PLPPR1: variants seen among roughly 807,000 people sequenced by gnomAD.
The protein encoded by PLPPR1 is phospholipid phosphatase-related protein type 1.
In PLPPR1, 10 loss-of-function variants were observed where a neutral mutation model predicts 33.1. That is an observed-to-expected ratio of 0.30 (90% CI 0.19 to 0.51). PLPPR1 has a LOEUF of 0.51. Among genes scored for constraint, PLPPR1 ranks in the 20% least tolerant of loss-of-function variants. The pLI is 0.97. For synonymous variants in PLPPR1, 151 were observed against 151.0 expected, an observed-to-expected ratio of 1.00 and a Z score of 0.00; for missense variants, 304 against 408.1, an observed-to-expected ratio of 0.74 and a Z score of 2.20.
At chr9:101,198,300 C>A (rs1826434664) in intron 2 of PLPPR1, among the ~76,000 whole-genome samples, 1 of 152,122 alleles carries the variant, frequency 6.6e-6, no homozygotes, top group Non-Finnish European at 1.5e-5. Context: ...AAAGCATAGA[C>A]TCTTAGAGCT....
intron 2 of PLPPR1, among the ~76,000 whole-genome samples, chr9:101,243,235 A>G (rs1827514196): frequency 6.6e-6 from 1 of 152,012 alleles, no homozygotes; most frequent in Non-Finnish European, 1.5e-5. Context: ...TAAATTTCAC[A>G]GTAGGGAGTT....
At chr9:101,177,570 A>G (rs555494256) in intron 1 of PLPPR1, among the ~76,000 whole-genome samples, 1 of 152,300 alleles carries the variant, frequency 6.6e-6, no homozygotes, top group East Asian at 1.9e-4. Flanking sequence ...TCCAAATAGC[A>G]CTTCTTTCAG....
chr9:101,062,327 A>G (rs925433517), intron 1 of PLPPR1, among the ~76,000 whole-genome samples: 1 of 152,086 alleles, frequency 6.6e-6, no homozygotes, highest in Non-Finnish European at 1.5e-5. Context: ...AATTTTTAAA[A>G]ATACATGTTT....
chr9:101,324,023 A>G lies in PLPPR1; in HGVS notation c.946-2A>G. The G allele has an allele frequency of 6.2e-7, 1 of 1,612,458 alleles. No individual in the cohort carries two copies. Among genetic ancestry groups the G allele is most frequent in the Non-Finnish European group, 8.5e-7 (1 of 1,178,664 alleles). On this transcript the variant is annotated splice_acceptor_variant, in intron 7 of 7. Coordinates refer to ENST00000374874, the MANE Select transcript of PLPPR1 (RefSeq NM_207299.2). LOFTEE classifies it high-confidence loss of function. ...TTTTATCTGCTTGTGTTTGCTCCAC[A>G]GAATCACTCTGCGTCCATGACCGAA...
intron 4 of PLPPR1, among the ~76,000 whole-genome samples, chr9:101,293,176 T>C (rs940648452): frequency 5.9e-5 from 9 of 151,354 alleles, no homozygotes; most frequent in African/African-American, 2.2e-4. Flanking sequence ...AAACAGACTG[T>C]AAACCAACAA....
intron 1 of PLPPR1, among the ~76,000 whole-genome samples, chr9:101,151,597 T>C (rs1389503516): frequency 2.0e-5 from 3 of 152,216 alleles, no homozygotes; most frequent in African/African-American, 7.2e-5. Context: ...TGTTTGAGCA[T>C]GTACCAATGA....
intron 2 of PLPPR1, among the ~76,000 whole-genome samples, chr9:101,232,130 G>A (rs1412095211): frequency 6.6e-6 from 1 of 152,034 alleles, no homozygotes; most frequent in Non-Finnish European, 1.5e-5. Flanking sequence ...TACAGTTAGT[G>A]ACAGGAAGTT....
At chr9:101,131,007 A>G (rs1001414014) in intron 1 of PLPPR1, among the ~76,000 whole-genome samples, 1 of 152,140 alleles carries the variant, frequency 6.6e-6, no homozygotes, top group African/African-American at 2.4e-5. Context: ...ACACATCACA[A>G]ATTTGTTGTG....
chr9:101,314,727 A>G (rs1829020534), intron 6 of PLPPR1, among the ~76,000 whole-genome samples: 1 of 150,126 alleles, frequency 6.7e-6, no homozygotes, highest in South Asian at 2.1e-4. Flanking sequence ...CTTGCTGGAC[A>G]GTGTTGTCAA....
At chr9:101,164,695 G>A (rs981212370) in intron 1 of PLPPR1, among the ~76,000 whole-genome samples, 18 of 151,814 alleles carry the variant, frequency 1.2e-4, no homozygotes, top group African/African-American at 2.9e-4. Flanking sequence ...TTTCATTCCC[G>A]TGATCCTTAC....
At chr9:101,058,847 C>T (rs1419380587) in intron 1 of PLPPR1, among the ~76,000 whole-genome samples, 4 of 152,166 alleles carry the variant, frequency 2.6e-5, no homozygotes, top group Admixed American at 6.5e-5. Flanking sequence ...TAAAATTACT[C>T]TGTAAAATGA....
chr9:101,037,934 T>G (rs2118411120), intron 1 of PLPPR1, among the ~76,000 whole-genome samples: 1 of 151,714 alleles, frequency 6.6e-6, no homozygotes, highest in East Asian at 1.9e-4. Flanking sequence ...AAACAATGTA[T>G]TTTAGCAATT....
intron 3 of PLPPR1, among the ~76,000 whole-genome samples, chr9:101,280,396 C>A (rs1414575716): frequency 6.6e-6 from 1 of 152,058 alleles, no homozygotes; most frequent in Non-Finnish European, 1.5e-5. Context: ...TCAAACTATT[C>A]TGCAAAATAG....
At chr9:101,129,334 C>T (rs907864352) in intron 1 of PLPPR1, among the ~76,000 whole-genome samples, 1 of 152,106 alleles carries the variant, frequency 6.6e-6, no homozygotes, top group African/African-American at 2.4e-5. Flanking sequence ...GTTACCCATG[C>T]ACCATATGAC....
intron 4 of PLPPR1, among the ~76,000 whole-genome samples, chr9:101,292,478 A>T (rs1216732273): frequency 6.6e-6 from 1 of 152,208 alleles, no homozygotes; most frequent in Non-Finnish European, 1.5e-5. Context: ...CAACTCCAAG[A>T]CACATAATTG....
chr9:101,176,011 T>A (rs1826013892), intron 1 of PLPPR1, among the ~76,000 whole-genome samples: 1 of 152,202 alleles, frequency 6.6e-6, no homozygotes, highest in African/African-American at 2.4e-5. Context: ...TTCTCAGGAT[T>A]TTCTTTTGCC....
chr9:101,033,763 T>C (rs1401629204), intron 1 of PLPPR1, among the ~76,000 whole-genome samples: 1 of 152,130 alleles, frequency 6.6e-6, no homozygotes, highest in African/African-American at 2.4e-5. Flanking sequence ...ACTTTACAGC[T>C]GAAGCAGCTG....
At chr9:101,273,540 C>A (rs1363226868) in intron 3 of PLPPR1, among the ~76,000 whole-genome samples, 3 of 152,170 alleles carry the variant, frequency 2.0e-5, no homozygotes, top group Non-Finnish European at 4.4e-5. Flanking sequence ...TGCTACCCTG[C>A]CGGCAAGCTG....
intron 1 of PLPPR1, among the ~76,000 whole-genome samples, chr9:101,075,569 G>GA (rs34987649): frequency 1.3e-5 from 2 of 152,128 alleles, no homozygotes; most frequent in African/African-American, 4.8e-5. Flanking sequence ...GGTGCCTAGT[G>GA]AAAAAAGCTC....
Sources: allele counts gnomAD v4.1 joint callset (sites outside exome capture counted in the v4.1 genomes callset), GRCh38; gene constraint gnomAD v4.1.1; transcripts MANE v1.5; gene names NCBI Gene and HGNC (gene_info 2026-07-23, HGNC 2026-07-21).